The following CYB5R4 variants were observed in gnomAD, a reference collection of about 807,000 sequenced individuals.
CYB5R4 encodes the protein N-terminal cytochrome b5 and cytochrome b5 oxidoreductase domain-containing protein.
A neutral mutation model predicts 70.2 loss-of-function variants in CYB5R4; 55 were observed. The observed-to-expected ratio is 0.78, with a 90% CI of 0.63 to 0.98. The LOEUF is 0.98. CYB5R4 is among the 50% of genes least tolerant of loss of function. The pLI is 0.00. For synonymous variants in CYB5R4, 197 were observed against 199.5 expected (o/e 0.99, Z 0.11); for missense variants, 562 against 612.6 (o/e 0.92, Z 0.87).
At chr6:83,923,740 C>G (rs1347058377) in intron 9 of CYB5R4, among the ~76,000 whole-genome samples, 1 of 152,032 alleles carries the variant, frequency 6.6e-6, no homozygotes, top group Non-Finnish European at 1.5e-5. Context: ...TGAGGCTCTT[C>G]TTGTGTTTAG....
intron 14 of CYB5R4, among the ~76,000 whole-genome samples, chr6:83,954,204 T>C (rs1047610846): frequency 1.3e-5 from 2 of 152,146 alleles, no homozygotes; most frequent in Non-Finnish European, 2.9e-5. Flanking sequence ...ATAAAAAATC[T>C]TTCATTAAAG....
At chr6:83,954,405 T>G (rs28495221) in intron 14 of CYB5R4, among the ~76,000 whole-genome samples, 13 of 152,286 alleles carry the variant, frequency 8.5e-5, no homozygotes, top group African/African-American at 3.1e-4. Flanking sequence ...TTGTTTATTT[T>G]GGGTTCAGGG....
chr6:83,906,973 A>G (rs999118783), intron 3 of CYB5R4, among the ~76,000 whole-genome samples: 8 of 152,174 alleles, frequency 5.3e-5, no homozygotes, highest in African/African-American at 1.9e-4. Context: ...GTATTTTGCT[A>G]ATTTAAGTAG....
At chr6:83,861,698 G>C (rs908691578) in intron 1 of CYB5R4, among the ~76,000 whole-genome samples, 2 of 152,214 alleles carry the variant, frequency 1.3e-5, no homozygotes, top group African/African-American at 4.8e-5. Flanking sequence ...GTCGGTTCCT[G>C]CCTTGTGCCC....
chr6:83,874,863 G>T (rs529704958), intron 2 of CYB5R4, among the ~76,000 whole-genome samples: 1 of 148,532 alleles, frequency 6.7e-6, no homozygotes, highest in East Asian at 2.0e-4. Context: ...TCACTCTGTC[G>T]CCAGGCTGGA....
rs781670549 is a variant in CYB5R4, at chr6:83,934,668, G to C, written c.888G>C (p.Met296Ile). Residue 296 changes from methionine to isoleucine, a missense_variant, in exon 11 of 16, where the codon ATG becomes ATC. Transcript: ENST00000369681. Reference sequence around the variant, plus strand: ...ATGATACGAGGCTTTTCTGTTTGATGCTGCCACCAAGCACTCATCTTCAAG... The same window carrying C: ...ATGATACGAGGCTTTTCTGTTTGATCCTGCCACCAAGCACTCATCTTCAAG... ...VTHDTRLFCL[M>I]LPPSTHLQVP... is the part of the protein sequence containing the mutation. 1 of 1,613,722 alleles carries C rather than the reference G, an allele frequency of 6.2e-7. No homozygotes were observed. Among genetic ancestry groups the C allele is most frequent in the Non-Finnish European group, 8.5e-7 (1 of 1,179,736 alleles).
intron 3 of CYB5R4, among the ~76,000 whole-genome samples, chr6:83,894,271 ATTC>A (rs1338071575): frequency 6.6e-6 from 1 of 152,218 alleles, no homozygotes. Flanking sequence ...AATTCTGAGT[ATTC>A]TGAGACAACA....
Position 83,943,019 on chromosome 6 carries a change from G to A in CYB5R4, c.1346+2418G>A, listed in dbSNP as rs141311027. Among the ~76,000 whole-genome samples, 883 of 152,272 alleles carry A rather than the reference G, an allele frequency of 5.8e-3. 7 individuals are homozygous for A. Among genetic ancestry groups the A allele is most frequent in the African/African-American group, 0.02 (851 of 41,564 alleles). ...TGGGACAGAGTGCCTGGGGGAAGGG[G>A]CAGCTATGGGCACAGCTTCAGCAGA... On this transcript the variant is annotated intron_variant, in intron 14 of 15. Coordinates refer to ENST00000369681, the MANE Select transcript of CYB5R4 (RefSeq NM_016230.4).
In CYB5R4 at chr6:83,964,979, T is replaced by C. The variant is rs2099473844; in HGVS notation, c.*5101T>C. On this transcript the variant is annotated 3_prime_UTR_variant, in exon 16 of 16. Transcript: ENST00000369681. ...ATGTGGGTGCACAGAAGTCAAGAAA[T>C]GGGGTTTGGGAACCTCTGTCTAGAT... 6.6e-6 allele frequency: 1 copy of C among 152,170 alleles called. No homozygotes were observed. The highest frequency in any genetic ancestry group is 6.5e-5 in the Admixed American group (1 of 15,268). 9.4% of individuals were successfully genotyped at this position (152,170 alleles called of 1,614,324 possible). A position where few individuals can be genotyped will look rare whatever the true frequency, so the allele number is the denominator to read the frequency against.
intron 2 of CYB5R4, among the ~76,000 whole-genome samples, chr6:83,881,115 T>C (rs1337140166): frequency 6.6e-6 from 1 of 152,156 alleles, no homozygotes; most frequent in Non-Finnish European, 1.5e-5. Context: ...GGTTGTTCCT[T>C]GGTTATGTGA....
At chr6:83,873,258 T>TG in intron 2 of CYB5R4, among the ~76,000 whole-genome samples, 1 of 147,746 alleles carries the variant, frequency 6.8e-6, no homozygotes, top group African/African-American at 2.5e-5. Context: ...TTTTTTTTTT[T>TG]TGACAGGGTC....
At chr6:83,915,767 T>C (rs528779847) in intron 5 of CYB5R4, among the ~76,000 whole-genome samples, 1 of 152,306 alleles carries the variant, frequency 6.6e-6, no homozygotes, top group East Asian at 1.9e-4. Flanking sequence ...CTCATTTAAG[T>C]CTATGTGGTA....
Position 83,909,086 on chromosome 6 carries a change from G to T in CYB5R4, c.408G>T (p.Leu136=). The change falls in exon 4 of 16, where the codon CTG becomes CTT. Residue 136 remains leucine, a synonymous_variant. Coordinates refer to ENST00000369681, the MANE Select transcript of CYB5R4 (RefSeq NM_016230.4). Reference sequence around the variant, plus strand: ...GAATGGCCATTAAACCTGCTGTTCTGAAAGGTAAGTGGTGCTGGTGCTAAA... The same window carrying T: ...GAATGGCCATTAAACCTGCTGTTCTTAAAGGTAAGTGGTGCTGGTGCTAAA... ...VGRMAIKPAV[L]KDYREEEKKV... is the part of the protein sequence containing the mutation. The T allele has an allele frequency of 6.2e-7, 1 of 1,613,736 alleles. No homozygotes were observed. Among genetic ancestry groups the T allele is most frequent in the Non-Finnish European group, 8.5e-7 (1 of 1,179,668 alleles).
At chr6:83,886,673 T>G (rs536481384) in intron 2 of CYB5R4, among the ~76,000 whole-genome samples, 1 of 152,186 alleles carries the variant, frequency 6.6e-6, no homozygotes, top group Non-Finnish European at 1.5e-5. Flanking sequence ...ACTGTTAAAT[T>G]GTAATATCTG....
chr6:83,868,496 C>T (rs1015642338), intron 2 of CYB5R4, among the ~76,000 whole-genome samples: 10 of 152,038 alleles, frequency 6.6e-5, no homozygotes, highest in East Asian at 3.9e-4. Flanking sequence ...ATCTCTAAGA[C>T]GTGTATCAAG....
At chr6:83,925,886 T>C (rs968026678) in intron 10 of CYB5R4, among the ~76,000 whole-genome samples, 3 of 152,230 alleles carry the variant, frequency 2.0e-5, no homozygotes, top group Non-Finnish European at 4.4e-5. Flanking sequence ...CTGTGTCTTC[T>C]AGCTCTTCTA....
intron 2 of CYB5R4, among the ~76,000 whole-genome samples, chr6:83,875,784 T>G (rs1489426902): frequency 2.0e-5 from 3 of 152,192 alleles, no homozygotes; most frequent in Non-Finnish European, 4.4e-5. Flanking sequence ...AGAATCAATA[T>G]TATTATCTTT....
intron 5 of CYB5R4, among the ~76,000 whole-genome samples, chr6:83,917,515 A>G (rs1242963455): frequency 6.6e-6 from 1 of 152,180 alleles, no homozygotes; most frequent in Non-Finnish European, 1.5e-5. Context: ...TGAACTATAC[A>G]TATAAAGTAA....
intron 14 of CYB5R4, among the ~76,000 whole-genome samples, chr6:83,954,324 G>A (rs1218107600): frequency 2.0e-5 from 3 of 152,156 alleles, no homozygotes; most frequent in Non-Finnish European, 2.9e-5. Context: ...TCCTTAAATT[G>A]CAGCCAGAGA....
Sources: allele counts gnomAD v4.1 joint callset (sites outside exome capture counted in the v4.1 genomes callset), GRCh38; gene constraint gnomAD v4.1.1; transcripts MANE v1.5; gene names NCBI Gene and HGNC (gene_info 2026-07-23, HGNC 2026-07-21).